RAB3GAP1: variants seen among roughly 807,000 people sequenced by gnomAD.
RAB3GAP1 encodes rab3 GTPase-activating protein catalytic subunit.
RAB3GAP1 carries 86 observed loss-of-function variants against 130.7 expected under a neutral mutation model. That is an observed-to-expected ratio of 0.66 (90% confidence interval 0.55 to 0.79). RAB3GAP1 has a LOEUF of 0.79. Among genes scored for constraint, RAB3GAP1 ranks in the 30% least tolerant of loss-of-function variants. RAB3GAP1 has a pLI of 0.00. For synonymous variants in RAB3GAP1, 367 were observed against 401.7 expected (o/e 0.91, Z 1.03); for missense variants, 1,029 against 1,169.4 (o/e 0.88, Z 1.75).
intron 8 of RAB3GAP1, 67 bp downstream of exon 8, chr2:135,120,985 T>A: frequency 9.0e-7 from 1 of 1,116,796 alleles, no homozygotes; most frequent in Non-Finnish European, 1.4e-6. Flanking sequence ...ATTCAGAAAT[T>A]AAAATTACTT....
At position 135,126,570 on chromosome 2, in the gene RAB3GAP1, G is replaced by A. The variant is rs755947850; in HGVS notation, c.900-13G>A. 6.3e-7 allele frequency: 1 copy of A among 1,599,972 alleles called. No individual in the cohort carries two copies. Among genetic ancestry groups the A allele is most frequent in the East Asian group, 2.2e-5 (1 of 44,736 alleles). ...CATAATTAGGATTTTATATTTATTGGTTTGCATTTTAGTGATTTGGATCCT... is the reference window on the plus strand; with the variant it reads ...CATAATTAGGATTTTATATTTATTGATTTGCATTTTAGTGATTTGGATCCT... On this transcript the variant is annotated splice_polypyrimidine_tract_variant and intron_variant, in intron 10 of 23. Coordinates refer to ENST00000264158, the MANE Select transcript of RAB3GAP1 (RefSeq NM_012233.3).
At chr2:135,147,172 C>G (rs763381608) in intron 17 of RAB3GAP1, among the ~76,000 whole-genome samples, 1 of 151,828 alleles carries the variant, frequency 6.6e-6, no homozygotes, top group Non-Finnish European at 1.5e-5. Flanking sequence ...ATGACGAAAC[C>G]CTGTCTGTAC....
chr2:135,110,052 A>T (rs1558780662), intron 5 of RAB3GAP1, among the ~76,000 whole-genome samples: 1 of 151,972 alleles, frequency 6.6e-6, no homozygotes, highest in African/African-American at 2.4e-5. Flanking sequence ...AAGTAGACCT[A>T]TTGGGGAAAA....
chr2:135,089,849 TG>T (rs1445921340), intron 3 of RAB3GAP1: 2 of 402,664 alleles, frequency 5.0e-6, no homozygotes, highest in Non-Finnish European at 9.9e-6. Flanking sequence ...GAAAACCAAA[TG>T]CTGCATGTTC....
chr2:135,067,152 C>G (rs1339005689), intron 3 of RAB3GAP1, among the ~76,000 whole-genome samples: 2 of 152,058 alleles, frequency 1.3e-5, no homozygotes, highest in African/African-American at 4.8e-5. Flanking sequence ...AGTTTAGATT[C>G]CTTTATTTGC....
intron 8 of RAB3GAP1, among the ~76,000 whole-genome samples, chr2:135,122,153 A>G (rs1321709220): frequency 6.6e-6 from 1 of 152,160 alleles, no homozygotes; most frequent in African/African-American, 2.4e-5. Context: ...TATATGTACT[A>G]CTACTATTTT....
At position 135,081,325 on chromosome 2, in the gene RAB3GAP1, AAAATATATATATAT is replaced by A. The variant is rs1689796890; in HGVS notation, c.151-9671_151-9658del. On this transcript the variant is annotated intron_variant, in intron 3 of 23. Coordinates refer to ENST00000264158, the MANE Select transcript of RAB3GAP1 (RefSeq NM_012233.3). ...CCGTCTCAAAAAAAAAAAAAAAAAA[AAAATATATATATAT>A]ATATATATATATATATATATATACA... is the stretch of plus-strand genomic sequence containing the variant. Among the ~76,000 whole-genome samples the A allele has an allele frequency of 5.1e-5, 4 of 78,020 alleles. No individual in the cohort carries two copies. In the Admixed American group the frequency reaches 7.5e-4, roughly 15 times the overall value. The allele number at this position is 78,020 out of a possible 152,430, so 51.2% of individuals were successfully genotyped here. A position where few individuals can be genotyped will look rare whatever the true frequency, so the allele number is the denominator to read the frequency against.
intron 3 of RAB3GAP1, among the ~76,000 whole-genome samples, chr2:135,067,772 G>A (rs1254567134): frequency 2.0e-5 from 3 of 152,154 alleles, no homozygotes; most frequent in Non-Finnish European, 2.9e-5. Context: ...TGTTACCCAC[G>A]CTAGAGTGCG....
chr2:135,135,078 G>A (rs1313850381), intron 15 of RAB3GAP1, among the ~76,000 whole-genome samples, 187 bp from the exon 16 acceptor site: 2 of 152,120 alleles, frequency 1.3e-5, no homozygotes, highest in East Asian at 1.9e-4. Flanking sequence ...TGGACAAGGA[G>A]TATAAAATAA....
intron 3 of RAB3GAP1, chr2:135,058,299 ATG>A (rs886617498): frequency 3.6e-4 from 181 of 502,104 alleles, no homozygotes; most frequent in East Asian, 7.1e-4. Flanking sequence ...AGTTATATAT[ATG>A]TGTGTGTGTA....
intron 3 of RAB3GAP1, among the ~76,000 whole-genome samples, chr2:135,090,344 A>G (rs2104874511): frequency 6.6e-6 from 1 of 152,246 alleles, no homozygotes; most frequent in Non-Finnish European, 1.5e-5. Flanking sequence ...GTTTGGGGCT[A>G]TCTGTGCTTG....
intron 19 of RAB3GAP1, 145 bp from the exon 20 acceptor site, chr2:135,162,410 C>G (rs574823258): frequency 2.4e-5 from 17 of 708,884 alleles, no homozygotes; most frequent in Admixed American, 4.0e-5. Context: ...TAACATTATC[C>G]TCACCTTTGG....
chr2:135,147,753 T>C (rs1270802872), intron 17 of RAB3GAP1, among the ~76,000 whole-genome samples: 3 of 151,914 alleles, frequency 2.0e-5, no homozygotes, highest in Non-Finnish European at 4.4e-5. Context: ...GCTAGAATTA[T>C]TGGCGCCCAC....
intron 13 of RAB3GAP1, among the ~76,000 whole-genome samples, chr2:135,131,660 G>A (rs936841025): frequency 1.3e-5 from 2 of 152,104 alleles, no homozygotes; most frequent in African/African-American, 4.8e-5. Context: ...CCAGCCTGGG[G>A]GCCATCCACA....
intron 23 of RAB3GAP1, among the ~76,000 whole-genome samples, chr2:135,167,266 A>G (rs1692682857): frequency 1.3e-5 from 2 of 152,208 alleles, no homozygotes; most frequent in Non-Finnish European, 2.9e-5. Context: ...TGGTATGTAC[A>G]TACTTAAATG....
chr2:135,167,843 C>T, intron 23 of RAB3GAP1: 1 of 677,806 alleles, frequency 1.5e-6, no homozygotes, highest in South Asian at 3.5e-5. Flanking sequence ...ATGTTTAGCG[C>T]AACATGATTT....
intron 3 of RAB3GAP1, chr2:135,089,633 C>G (rs1690086502): frequency 6.3e-6 from 1 of 158,944 alleles, no homozygotes; most frequent in Non-Finnish European, 1.4e-5. Context: ...GACACAGGCA[C>G]ATGTATGTTT....
At chr2:135,171,778 G>A (rs1692862097), downstream of RAB3GAP1, among the ~76,000 whole-genome samples, 2 of 152,138 alleles carry the variant, frequency 1.3e-5, no homozygotes, top group African/African-American at 4.8e-5. Context: ...GTCAGCAGTG[G>A]GTCTAGGAAG....
At chr2:135,164,008 G>A (rs1033309915) in intron 22 of RAB3GAP1, among the ~76,000 whole-genome samples, 2 of 152,192 alleles carry the variant, frequency 1.3e-5, no homozygotes, top group Admixed American at 6.5e-5. Context: ...GTATGAATTA[G>A]TGAGCAGGTG....
Sources: allele counts gnomAD v4.1 joint callset (sites outside exome capture counted in the v4.1 genomes callset), GRCh38; gene constraint gnomAD v4.1.1; transcripts MANE v1.5; gene names NCBI Gene and HGNC (gene_info 2026-07-23, HGNC 2026-07-21).